ATP11A: variants seen among roughly 807,000 people sequenced by gnomAD.
ATP11A encodes the protein phospholipid-transporting ATPase IH.
In ATP11A, 81 loss-of-function variants were observed where a neutral mutation model predicts 154.4. The ratio of observed to expected loss-of-function variants is 0.52; its 90% CI spans 0.44 to 0.63. The LOEUF is 0.63. Ranked by LOEUF, ATP11A falls within the 30% of genes least tolerant of loss-of-function variation. The pLI is 0.00. For synonymous variants in ATP11A, 623 were observed against 585.9 expected (o/e 1.06, Z -0.91); for missense variants, 1,316 against 1,474.3 (o/e 0.89, Z 1.76).
intron 1 of ATP11A, among the ~76,000 whole-genome samples, chr13:112,709,785 A>G (rs1369704813): frequency 1.3e-5 from 2 of 152,274 alleles, no homozygotes; most frequent in African/African-American, 2.4e-5. Context: ...CACCTTGGAC[A>G]CATGTTCTCA....
intron 1 of ATP11A, among the ~76,000 whole-genome samples, chr13:112,729,499 T>C (rs1042048918): frequency 6.6e-5 from 10 of 151,774 alleles, no homozygotes; most frequent in Admixed American, 2.6e-4. Flanking sequence ...GTGTGAACAG[T>C]GTCGGAAGGC....
intron 1 of ATP11A, among the ~76,000 whole-genome samples, chr13:112,719,530 A>G (rs1199519766): frequency 1.3e-5 from 2 of 152,370 alleles, no homozygotes; most frequent in African/African-American, 2.4e-5. Flanking sequence ...TTTAATTACA[A>G]TTCCTTAACG....
intron 16 of ATP11A, among the ~76,000 whole-genome samples, chr13:112,841,008 G>A (rs999784999): frequency 5.9e-5 from 9 of 152,362 alleles, no homozygotes; most frequent in Admixed American, 1.3e-4. Context: ...AGCTTCCTAC[G>A]CGTGCCGCTC....
chr13:112,811,504 A>G (rs2078499721), intron 5 of ATP11A: 1 of 152,250 alleles, frequency 6.6e-6, no homozygotes, highest in African/African-American at 2.4e-5. Context: ...GTTTTAGAAT[A>G]AAGTATAATA....
intron 1 of ATP11A, among the ~76,000 whole-genome samples, chr13:112,784,758 C>T (rs1037538241): frequency 3.3e-5 from 5 of 152,202 alleles, no homozygotes; most frequent in African/African-American, 7.2e-5. Flanking sequence ...CTCCTGACCT[C>T]GTGATCCGCC....
chr13:112,761,349 T>C (rs1301139178), intron 1 of ATP11A, among the ~76,000 whole-genome samples: 2 of 152,214 alleles, frequency 1.3e-5, no homozygotes, highest in Non-Finnish European at 2.9e-5. Flanking sequence ...GGAGATGTTG[T>C]TATGTTGCCA....
chr13:112,723,600 C>G (rs1334088935), intron 1 of ATP11A, among the ~76,000 whole-genome samples: 1 of 151,426 alleles, frequency 6.6e-6, no homozygotes, highest in African/African-American at 2.4e-5. Flanking sequence ...TTTATGATCT[C>G]TGTATTGATG....
At chr13:112,798,849 A>G (rs1448382194) in intron 2 of ATP11A, among the ~76,000 whole-genome samples, 1 of 152,246 alleles carries the variant, frequency 6.6e-6, no homozygotes, top group African/African-American at 2.4e-5. Context: ...TTAAGTGTGA[A>G]TTGTCTAAAT....
rs899602009 is a variant in ATP11A at position 112,862,434 on chromosome 13, C to T, written c.2856-6C>T. On this transcript the variant is annotated splice_polypyrimidine_tract_variant and splice_region_variant and intron_variant, in intron 24 of 29. Coordinates refer to ENST00000375645, the MANE Select transcript of ATP11A (RefSeq NM_015205.3). Reference sequence around the variant, plus strand: ...GACACACGCTGTGCACCTTTCTCCTCACCAGGGACGTCGCCAAGAATGCCC... The same window carrying T: ...GACACACGCTGTGCACCTTTCTCCTTACCAGGGACGTCGCCAAGAATGCCC... The T allele has an allele frequency of 1.9e-6, 3 of 1,613,384 alleles. No homozygotes were observed. The highest frequency in any genetic ancestry group is 2.2e-5 in the East Asian group (1 of 44,892).
intron 1 of ATP11A, among the ~76,000 whole-genome samples, chr13:112,782,336 T>G (rs1321548575): frequency 5.9e-5 from 9 of 152,302 alleles, no homozygotes; most frequent in Non-Finnish European, 5.9e-5. Flanking sequence ...GTGTCTGGGC[T>G]CGTGGCCACT....
chr13:112,695,432 A>G (rs191520059), intron 1 of ATP11A, among the ~76,000 whole-genome samples: 2 of 152,364 alleles, frequency 1.3e-5, no homozygotes, highest in Admixed American at 1.3e-4. Context: ...CAGTCTGCCC[A>G]GATGCATAAT....
chr13:112,869,038 C>T (rs951753336), intron 25 of ATP11A, among the ~76,000 whole-genome samples: 3 of 152,002 alleles, frequency 2.0e-5, no homozygotes, highest in Non-Finnish European at 4.4e-5. Context: ...TCCCACCAGG[C>T]TCTCCCTCCA....
chr13:112,787,744 T>C (rs12868955), intron 2 of ATP11A, among the ~76,000 whole-genome samples: 1,330 of 100,100 alleles, frequency 0.013, no homozygotes, highest in Middle Eastern at 0.035. Context: ...TGTCCTGATG[T>C]GTAGACCCCT....
chr13:112,863,343 A>G (rs1430996625), intron 25 of ATP11A, among the ~76,000 whole-genome samples: 65 of 137,476 alleles, frequency 4.7e-4, no homozygotes, highest in African/African-American at 1.6e-3. Context: ...AGCGGGGTCC[A>G]TCACCACCTG....
chr13:112,774,322 C>T (rs1414800310), intron 1 of ATP11A, among the ~76,000 whole-genome samples: 1 of 152,272 alleles, frequency 6.6e-6, no homozygotes, highest in East Asian at 1.9e-4. Flanking sequence ...TCAAAGCTTC[C>T]GGTATCTCCA....
intron 2 of ATP11A, among the ~76,000 whole-genome samples, chr13:112,798,197 AGTT>A (rs2078049337): frequency 6.6e-6 from 1 of 152,256 alleles, no homozygotes; most frequent in African/African-American, 2.4e-5. Context: ...GACCGTGACT[AGTT>A]GTCACATTGG....
intron 1 of ATP11A, among the ~76,000 whole-genome samples, chr13:112,775,353 G>A (rs1056136060): frequency 1.3e-5 from 2 of 152,192 alleles, no homozygotes; most frequent in Non-Finnish European, 2.9e-5. Flanking sequence ...ACCACACAGC[G>A]GGAGGCATGG....
chr13:112,846,088 C>T (rs915427474), intron 17 of ATP11A, among the ~76,000 whole-genome samples: 1 of 152,196 alleles, frequency 6.6e-6, no homozygotes, highest in African/African-American at 2.4e-5. Context: ...TCTCTTTCCA[C>T]AGCTTCCCTT....
At position 112,697,107 on chromosome 13, in the gene ATP11A, G is replaced by A. The variant is rs1016326954; in HGVS notation, c.39+6652G>A. Among the ~76,000 whole-genome samples, 4 of 152,152 alleles carry A rather than the reference G, an allele frequency of 2.6e-5. No homozygotes were observed. Among genetic ancestry groups the A allele is most frequent in the Non-Finnish European group, 5.9e-5 (4 of 68,002 alleles). On this transcript the variant is annotated intron_variant, in intron 1 of 29. Transcript: ENST00000375645. This position sits in a 1 kb window ranked among gnomAD's most constrained non-coding sequence, Gnocchi z 4.0. ...TGCCTGCGTGTCCAGCCTGAGGGGC[G>A]GCCCACGCAGCAGCCTCTGGGAGCC...
Sources: gnomAD v4.1 joint callset for allele counts (sites outside exome capture counted in the v4.1 genomes callset) on GRCh38, gnomAD v4.1.1 for gene constraint, Gnocchi (gnomAD v3.1) non-coding constraint, MANE v1.5 for transcripts, NCBI Gene and HGNC (gene_info 2026-07-23, HGNC 2026-07-21) for gene names.